Variants in MAML2 observed in about 807,000 individuals in gnomAD.
The protein encoded by MAML2 is mastermind-like protein 2.
In MAML2, 22 loss-of-function variants were observed where a neutral mutation model predicts 96.1. The observed-to-expected ratio is 0.23, with a 90% CI of 0.16 to 0.33. MAML2 has a LOEUF of 0.33. Among genes scored for constraint, MAML2 ranks in the 10% least tolerant of loss-of-function variants. The pLI, the probability that MAML2 is intolerant of heterozygous loss-of-function variation, is 1.00. For missense variants in MAML2, 1,367 were observed against 1,392.4 expected (o/e 0.98, Z 0.29); for synonymous variants, 561 against 521.3 (o/e 1.08, Z -1.04).
intron 1 of MAML2, among the ~76,000 whole-genome samples, chr11:96,171,466 A>C (rs940938105): frequency 6.6e-6 from 1 of 152,174 alleles, no homozygotes. Context: ...CAATGAGGGC[A>C]TCTCTATTCC....
At position 96,092,240 on chromosome 11, in the gene MAML2, C is replaced by CTGT. The variant is rs1357706645; in HGVS notation, c.1790_1791insACA (p.Gln621dup). 8 of 1,537,278 alleles carry CTGT rather than the reference C, an allele frequency of 5.2e-6. No homozygotes were observed. Among genetic ancestry groups the CTGT allele is most frequent in the Non-Finnish European group, 7.0e-6 (8 of 1,140,346 alleles). On this transcript the variant is annotated inframe_insertion, in exon 2 of 5. Transcript: ENST00000524717. This position sits in a 1 kb window ranked among gnomAD's most constrained non-coding sequence, Gnocchi z 4.1. ...GCTGCTGCTGCTGCTGCTGCTGCTG[C>CTGT]TGCTGCTGCTGTTGCTGCTGTTGCT...
intron 1 of MAML2, among the ~76,000 whole-genome samples, chr11:96,240,320 G>A (rs866541974): frequency 4.4e-4 from 67 of 152,054 alleles, no homozygotes; most frequent in African/African-American, 1.5e-3. Context: ...GGAGGCCGAG[G>A]CGGGTGGATC....
At chr11:96,210,409 G>A (rs1861953664) in intron 1 of MAML2, among the ~76,000 whole-genome samples, 1 of 152,078 alleles carries the variant, frequency 6.6e-6, no homozygotes, top group Admixed American at 6.6e-5. Flanking sequence ...GTGCCCACCT[G>A]CCTTATCATT....
At chr11:96,098,144 T>A (rs1859863784) in intron 1 of MAML2, among the ~76,000 whole-genome samples, 1 of 152,082 alleles carries the variant, frequency 6.6e-6, no homozygotes, top group Non-Finnish European at 1.5e-5. Flanking sequence ...GGGGGTTGGA[T>A]GGCAAGGAGA....
rs192404914 is a variant in MAML2, at chr11:95,981,651, T to A, written c.2456-1688A>T. On this transcript the variant is annotated intron_variant, in intron 4 of 4. Coordinates refer to ENST00000524717, the MANE Select transcript of MAML2 (RefSeq NM_032427.4). ...TTGAAGGCAAGAACAGTCTCTTGTATCTCCTTGTATCTGTGTAGTGCATTG... is the reference window on the plus strand; with the variant it reads ...TTGAAGGCAAGAACAGTCTCTTGTAACTCCTTGTATCTGTGTAGTGCATTG... 4.6e-5 allele frequency among the ~76,000 whole-genome samples: 7 copies of A among 152,296 alleles called. No individual in the cohort carries two copies. The East Asian group carries it at 1.3e-3, about 29-fold the overall frequency.
intron 1 of MAML2, among the ~76,000 whole-genome samples, chr11:96,334,332 G>A (rs1863890464): frequency 6.6e-6 from 1 of 152,120 alleles, no homozygotes; most frequent in African/African-American, 2.4e-5. Context: ...GAGCCTTTAC[G>A]AGGTGCTAGG....
intron 1 of MAML2, among the ~76,000 whole-genome samples, chr11:96,288,120 CAA>C (rs1320537334): frequency 1.3e-5 from 2 of 151,966 alleles, no homozygotes; most frequent in African/African-American, 4.8e-5. Context: ...TATCCTTGTT[CAA>C]TATATGGAAA....
chr11:96,208,943 C>T (rs376415799), intron 1 of MAML2, among the ~76,000 whole-genome samples: 3 of 152,110 alleles, frequency 2.0e-5, no homozygotes, highest in African/African-American at 4.8e-5. Context: ...GTTAACAACT[C>T]GATGTGTCAG....
chr11:96,175,676 C>T (rs12790497), intron 1 of MAML2, among the ~76,000 whole-genome samples: 10,841 of 152,098 alleles, frequency 0.071, 487 homozygotes, highest in Non-Finnish European at 0.098. Context: ...CTGCAACCTC[C>T]ACCTCCTGGG....
At chr11:95,999,769 G>T (rs932800032) in intron 2 of MAML2, among the ~76,000 whole-genome samples, 2 of 151,956 alleles carry the variant, frequency 1.3e-5, no homozygotes, top group African/African-American at 4.8e-5. Flanking sequence ...CTTTTTCTTG[G>T]CTTCTAGAGC....
intron 1 of MAML2, among the ~76,000 whole-genome samples, chr11:96,112,524 G>A (rs901287129): frequency 6.6e-6 from 1 of 152,256 alleles, no homozygotes; most frequent in Non-Finnish European, 1.5e-5. Context: ...TTACACAAAT[G>A]TCACCAGGAG....
chr11:96,300,261 C>A (rs1276871902), intron 1 of MAML2, among the ~76,000 whole-genome samples: 3 of 152,128 alleles, frequency 2.0e-5, no homozygotes, highest in African/African-American at 7.2e-5. Flanking sequence ...GTGTTGAAGT[C>A]TTTCTTTCAG....
intron 1 of MAML2, among the ~76,000 whole-genome samples, chr11:96,176,525 G>A (rs943831491): frequency 1.3e-5 from 2 of 152,134 alleles, no homozygotes; most frequent in African/African-American, 2.4e-5. Flanking sequence ...CAGTAGGAAG[G>A]ACCGCTTTTG....
chr11:96,000,368 A>G (rs1472434293), intron 2 of MAML2, among the ~76,000 whole-genome samples: 1 of 152,268 alleles, frequency 6.6e-6, no homozygotes, highest in East Asian at 1.9e-4. Context: ...AGCCATACAC[A>G]TTCATTCATA....
intron 1 of MAML2, among the ~76,000 whole-genome samples, chr11:96,274,054 GTTTCTT>G (rs1239062819): frequency 1.1e-5 from 1 of 90,124 alleles, no homozygotes; most frequent in South Asian, 3.5e-4. Flanking sequence ...TCTTTTTCTT[GTTTCTT>G]TTTCTTTTTC....
At chr11:96,308,851 G>A (rs1304491815) in intron 1 of MAML2, among the ~76,000 whole-genome samples, 2 of 152,130 alleles carry the variant, frequency 1.3e-5, no homozygotes, top group East Asian at 1.9e-4. Context: ...TACACACAAT[G>A]GATACTGAGC....
intron 1 of MAML2, among the ~76,000 whole-genome samples, chr11:96,316,222 G>T (rs1048101122): frequency 6.6e-6 from 1 of 152,268 alleles, no homozygotes; most frequent in East Asian, 1.9e-4. Flanking sequence ...GTACTTGCTT[G>T]CCCATTCAAG....
intron 2 of MAML2, among the ~76,000 whole-genome samples, chr11:96,040,462 C>T (rs1316910614): frequency 1.3e-5 from 2 of 152,044 alleles, no homozygotes; most frequent in African/African-American, 2.4e-5. Flanking sequence ...CAAAACATTA[C>T]CAACAGTCTA....
chr11:96,067,285 A>G (rs1859261124), intron 2 of MAML2, among the ~76,000 whole-genome samples: 1 of 152,172 alleles, frequency 6.6e-6, no homozygotes, highest in African/African-American at 2.4e-5. Flanking sequence ...TCATCTGTCC[A>G]GTGTAGCCTG....
Sources: allele counts gnomAD v4.1 joint callset (sites outside exome capture counted in the v4.1 genomes callset), GRCh38; gene constraint gnomAD v4.1.1; non-coding constraint Gnocchi (gnomAD v3.1); transcripts MANE v1.5; gene names NCBI Gene and HGNC (gene_info 2026-07-23, HGNC 2026-07-21).